INSL6: variants seen among roughly 807,000 people sequenced by gnomAD.
INSL6 encodes insulin-like peptide INSL6.
INSL6 carries 16 observed loss-of-function variants against 9.4 expected under a neutral mutation model. The ratio of observed to expected loss-of-function variants is 1.70; its 90% CI spans 1.15 to 2.59. The LOEUF is 2.59. Among genes scored for constraint, INSL6 ranks in the 30% most tolerant of loss-of-function variants. The pLI is 0.00. For missense variants in INSL6, 391 were observed against 257.3 expected (o/e 1.52, Z -3.56); for synonymous variants, 154 against 96.9 (o/e 1.59, Z -3.46).
the INSL6 span, among the ~76,000 whole-genome samples, chr9:5,092,225 G>C: frequency 2.6e-5 from 4 of 152,234 alleles, no homozygotes; most frequent in African/African-American, 9.6e-5. Context: ...GCTCAAGGAG[G>C]ATTTAGCAGT....
the INSL6 span, among the ~76,000 whole-genome samples, chr9:4,993,474 A>G: frequency 6.6e-6 from 1 of 152,220 alleles, no homozygotes; most frequent in Non-Finnish European, 1.5e-5. Flanking sequence ...AGCTAGAAGA[A>G]GCCAAATTGC....
chr9:5,126,742 G>T, intron 3 of INSL6: 1 of 1,611,054 alleles, frequency 6.2e-7, no homozygotes, highest in South Asian at 1.1e-5. Context: ...CCCTCCTTTA[G>T]GGATCTAGCT....
At chr9:5,047,844 T>C in the INSL6 span, among the ~76,000 whole-genome samples, 1 of 152,060 alleles carries the variant, frequency 6.6e-6, no homozygotes, top group Non-Finnish European at 1.5e-5. Flanking sequence ...CAAATGATCC[T>C]CCTACCTCAG....
chr9:5,036,215 T>G, the INSL6 span, among the ~76,000 whole-genome samples: 41 of 152,062 alleles, frequency 2.7e-4, no homozygotes, highest in African/African-American at 9.9e-4. Flanking sequence ...CACTGCTCAA[T>G]GAAGTAAAAG....
chr9:5,123,020 C>A (rs774801005), downstream of INSL6: 23 of 1,610,242 alleles, frequency 1.4e-5, no homozygotes, highest in Non-Finnish European at 2.0e-5. Flanking sequence ...TCCAGAATCA[C>A]TGACAGAGAG....
intron 2 of INSL6, among the ~76,000 whole-genome samples, chr9:5,136,672 C>T (rs570541100): frequency 1.4e-3 from 211 of 152,092 alleles, no homozygotes; most frequent in African/African-American, 3.7e-3. Context: ...TAATACTGAA[C>T]GGGCAAAAAC....
the INSL6 span, chr9:5,110,922 G>A: frequency 1.4e-5 from 8 of 571,002 alleles, no homozygotes; most frequent in African/African-American, 9.4e-5. Context: ...GAATGAACCA[G>A]CCGCAGAGGA....
the INSL6 span, chr9:5,041,486 G>C: frequency 1.7e-6 from 1 of 593,806 alleles, no homozygotes; most frequent in South Asian, 1.5e-5. Flanking sequence ...GATCATGAGC[G>C]GTACAGAAGA....
At chr9:5,006,710 A>T in the INSL6 span, among the ~76,000 whole-genome samples, 7 of 152,226 alleles carry the variant, frequency 4.6e-5, no homozygotes, top group African/African-American at 1.7e-4. Flanking sequence ...CTATCATGAG[A>T]CTAGCAAAGC....
the INSL6 span, among the ~76,000 whole-genome samples, chr9:5,102,676 C>T: frequency 1.3e-5 from 2 of 152,190 alleles, no homozygotes; most frequent in Admixed American, 6.5e-5. Flanking sequence ...GGAAGCCCAT[C>T]AGACTAACAG....
the INSL6 span, among the ~76,000 whole-genome samples, chr9:5,103,029 A>G: frequency 2.6e-5 from 4 of 151,990 alleles, no homozygotes; most frequent in Non-Finnish European, 5.9e-5. Flanking sequence ...AACAGGTTCA[A>G]ATTCACACAT....
chr9:5,177,816 G>A (rs933832060), intron 1 of INSL6, among the ~76,000 whole-genome samples: 2 of 152,092 alleles, frequency 1.3e-5, no homozygotes, highest in African/African-American at 4.8e-5. Flanking sequence ...AGAGGAGGAA[G>A]GTACCCCACA....
chr9:5,017,748 C>T, the INSL6 span, among the ~76,000 whole-genome samples: 1 of 152,158 alleles, frequency 6.6e-6, no homozygotes, highest in African/African-American at 2.4e-5. Context: ...TATCCAGTTG[C>T]AGATGAACTT....
the INSL6 span, among the ~76,000 whole-genome samples, chr9:5,033,226 T>G: frequency 2.0e-5 from 3 of 152,126 alleles, no homozygotes; most frequent in South Asian, 6.2e-4. Context: ...AACAAAGCCT[T>G]CAAGAAATAT....
At chr9:5,173,499 T>C (rs1166903617) in intron 1 of INSL6, among the ~76,000 whole-genome samples, 1 of 151,902 alleles carries the variant, frequency 6.6e-6, no homozygotes, top group East Asian at 1.9e-4. Flanking sequence ...CTCAGCAAAC[T>C]AAGGCAGGAA....
the INSL6 span, chr9:5,089,751 G>T: frequency 6.3e-7 from 1 of 1,584,644 alleles, no homozygotes. Flanking sequence ...CTGTAAAAAA[G>T]CTTCAGCATA....
At chr9:5,017,886 A>T in the INSL6 span, among the ~76,000 whole-genome samples, 1 of 152,146 alleles carries the variant, frequency 6.6e-6, no homozygotes, top group African/African-American at 2.4e-5. Context: ...TTCTAGAATT[A>T]CCTTGTCTCT....
chr9:5,029,407 A>G, the INSL6 span, among the ~76,000 whole-genome samples: 1 of 152,200 alleles, frequency 6.6e-6, no homozygotes, highest in Non-Finnish European at 1.5e-5. Flanking sequence ...TAATAATAAA[A>G]AAGTTTGAAG....
the INSL6 span, chr9:5,054,804 G>A: frequency 1.4e-5 from 23 of 1,612,918 alleles, no homozygotes; most frequent in South Asian, 2.4e-4. This position sits in a 1 kb window ranked among gnomAD's most constrained non-coding sequence, Gnocchi z 4.9. Flanking sequence ...GGAGATTTTT[G>A]CAACCATTAT....
Sources: allele counts gnomAD v4.1 joint callset (sites outside exome capture counted in the v4.1 genomes callset), GRCh38; gene constraint gnomAD v4.1.1; non-coding constraint Gnocchi (gnomAD v3.1); transcripts MANE v1.5; gene names NCBI Gene and HGNC (gene_info 2026-07-23, HGNC 2026-07-21).